Variants in CNIH3 observed in about 807,000 individuals in gnomAD.
CNIH3 encodes the protein protein cornichon homolog 3.
A neutral mutation model predicts 24.1 loss-of-function variants in CNIH3; 14 were observed. That is an observed-to-expected ratio of 0.58 (90% CI 0.38 to 0.91). CNIH3 has a LOEUF of 0.91. Among genes scored for constraint, CNIH3 ranks in the 40% least tolerant of loss-of-function variants. CNIH3 has a pLI of 0.00. For synonymous variants in CNIH3, 68 were observed against 73.8 expected (o/e 0.92, Z 0.40); for missense variants, 178 against 196.8 (o/e 0.90, Z 0.57).
intron 1 of CNIH3, among the ~76,000 whole-genome samples, chr1:224,627,495 A>T (rs1683596559): frequency 6.6e-6 from 1 of 152,028 alleles, no homozygotes; most frequent in Non-Finnish European, 1.5e-5. Context: ...AAGTGCTGGG[A>T]TTACAGGCGT....
intron 3 of CNIH3, among the ~76,000 whole-genome samples, chr1:224,557,531 T>C (rs1173733307): frequency 6.6e-6 from 1 of 152,126 alleles, no homozygotes; most frequent in African/African-American, 2.4e-5. Flanking sequence ...AGCAGCACGA[T>C]CTCAGCTCAC....
intron 1 of CNIH3, among the ~76,000 whole-genome samples, chr1:224,465,659 T>C (rs1418618682): frequency 6.6e-6 from 1 of 152,200 alleles, no homozygotes; most frequent in African/African-American, 2.4e-5. Flanking sequence ...CAAATAAATG[T>C]ATAGAAAGGT....
At chr1:224,700,780 G>A (rs954807419) in intron 3 of CNIH3, among the ~76,000 whole-genome samples, 1 of 152,150 alleles carries the variant, frequency 6.6e-6, no homozygotes, top group Non-Finnish European at 1.5e-5. Context: ...CCTGTCCCCT[G>A]GACCTAGATG....
intron 2 of CNIH3, among the ~76,000 whole-genome samples, chr1:224,536,336 G>A (rs975885973): frequency 9.1e-5 from 12 of 131,200 alleles, no homozygotes; most frequent in Admixed American, 4.4e-4. Context: ...TTGTCGCCCA[G>A]GCTGGAGTAC....
Position 224,616,972 on chromosome 1 carries a change from G to T in CNIH3, c.-203G>T. 2 of 1,395,096 alleles carry T rather than the reference G, an allele frequency of 1.4e-6. No homozygotes were observed. The highest frequency in any genetic ancestry group is 9.3e-7 in the Non-Finnish European group (1 of 1,079,576). 86.4% of individuals were successfully genotyped at this position (1,395,096 alleles called of 1,614,324 possible). On this transcript the variant is annotated 5_prime_UTR_variant, in exon 1 of 6. Transcript: ENST00000272133. ...GTTTTCCTGTCTTCGCCGGAGGGCC[G>T]GGTCTGGGGTCGCCGGAGCCTGCGG...
At chr1:224,507,366 C>G (rs1677961708) in intron 1 of CNIH3, among the ~76,000 whole-genome samples, 1 of 152,070 alleles carries the variant, frequency 6.6e-6, no homozygotes, top group Admixed American at 6.5e-5. Flanking sequence ...CTCTCTGTGC[C>G]TCAGTTTTCT....
intron 3 of CNIH3, among the ~76,000 whole-genome samples, chr1:224,595,187 C>G (rs968798230): frequency 6.6e-5 from 10 of 152,228 alleles, no homozygotes; most frequent in South Asian, 2.1e-4. Flanking sequence ...GCTGGGACTA[C>G]AGTTGTGCAC....
chr1:224,577,972 A>G (rs905192099), intron 4 of CNIH3, among the ~76,000 whole-genome samples: 7 of 152,198 alleles, frequency 4.6e-5, no homozygotes, highest in Non-Finnish European at 4.4e-5. Context: ...TCAGGAATGG[A>G]AAACCAAACA....
chr1:224,461,120 G>C (rs1675896844), intron 1 of CNIH3, among the ~76,000 whole-genome samples: 1 of 150,744 alleles, frequency 6.6e-6, no homozygotes, highest in South Asian at 2.1e-4. Context: ...CTTGTGCGTT[G>C]GCTTCCCGAG....
At chr1:224,654,431 A>G (rs1479147950) in intron 1 of CNIH3, among the ~76,000 whole-genome samples, 1 of 152,220 alleles carries the variant, frequency 6.6e-6, no homozygotes, top group Non-Finnish European at 1.5e-5. Flanking sequence ...GCCCAGATGC[A>G]TGCCTCCTTG....
intron 4 of CNIH3, among the ~76,000 whole-genome samples, chr1:224,568,021 G>T (rs763240840): frequency 2.8e-4 from 42 of 152,192 alleles, no homozygotes; most frequent in Non-Finnish European, 4.7e-4. Flanking sequence ...GCCAGGCACG[G>T]TGGCTCAAGC....
At chr1:224,634,916 T>A (rs1684013487) in intron 1 of CNIH3, among the ~76,000 whole-genome samples, 1 of 152,236 alleles carries the variant, frequency 6.6e-6, no homozygotes, top group Non-Finnish European at 1.5e-5. Context: ...TTGGCAGTTT[T>A]CAGCACTGTT....
chr1:224,547,627 G>A (rs376536243), intron 3 of CNIH3, among the ~76,000 whole-genome samples: 24 of 151,266 alleles, frequency 1.6e-4, no homozygotes, highest in South Asian at 2.1e-4. Flanking sequence ...TGTACACCCC[G>A]TGATATTATT....
chr1:224,519,864 A>G (rs1252277911), intron 1 of CNIH3, among the ~76,000 whole-genome samples: 1 of 152,068 alleles, frequency 6.6e-6, no homozygotes. Context: ...AATTAAATAT[A>G]ATTAAAATTG....
At chr1:224,692,967 G>C (rs12058085) in intron 3 of CNIH3, among the ~76,000 whole-genome samples, 4 of 152,090 alleles carry the variant, frequency 2.6e-5, no homozygotes, top group Non-Finnish European at 5.9e-5. Flanking sequence ...TGATGGGTCC[G>C]AGTGGATTCT....
At chr1:224,534,216 A>G (rs1173748592) in intron 2 of CNIH3, among the ~76,000 whole-genome samples, 2 of 152,224 alleles carry the variant, frequency 1.3e-5, no homozygotes, top group Non-Finnish European at 2.9e-5. Context: ...TGGGGAACAC[A>G]ATTCAACCAT....
At chr1:224,527,024 C>T (rs1005316580) in intron 2 of CNIH3, among the ~76,000 whole-genome samples, 3 of 152,192 alleles carry the variant, frequency 2.0e-5, no homozygotes, top group South Asian at 2.1e-4. Flanking sequence ...AGGCCCGCCT[C>T]CAACATTGGG....
At chr1:224,593,103 C>T (rs893990856), downstream of CNIH3, among the ~76,000 whole-genome samples, 6 of 151,964 alleles carry the variant, frequency 3.9e-5, no homozygotes, top group Non-Finnish European at 8.8e-5. Flanking sequence ...AGAGGTTCTC[C>T]CCACTTCCCG....
chr1:224,711,684 A>G (rs185719845), intron 3 of CNIH3, among the ~76,000 whole-genome samples: 3 of 148,990 alleles, frequency 2.0e-5, no homozygotes, highest in African/African-American at 7.5e-5. Context: ...AGTCCCACCT[A>G]CTCAGGAGGC....
Sources: allele counts gnomAD v4.1 joint callset (sites outside exome capture counted in the v4.1 genomes callset), GRCh38; gene constraint gnomAD v4.1.1; transcripts MANE v1.5; gene names NCBI Gene and HGNC (gene_info 2026-07-23, HGNC 2026-07-21).